Variants in ADGRF5 observed in about 807,000 individuals in gnomAD.
ADGRF5 encodes adhesion G protein-coupled receptor F5, also known as G-protein coupled receptor 116.
A neutral mutation model predicts 132.3 loss-of-function variants in ADGRF5; 75 were observed. That is an observed-to-expected ratio of 0.57 (90% CI 0.47 to 0.69). ADGRF5 has a LOEUF of 0.69. Ranked by LOEUF, ADGRF5 falls within the 30% of genes least tolerant of loss-of-function variation. The pLI is 0.00. For missense variants in ADGRF5, 1,516 were observed against 1,630.6 expected (o/e 0.93, Z 1.21); for synonymous variants, 629 against 597.6 (o/e 1.05, Z -0.77).
At chr6:46,885,087 A>T (rs763974691) in intron 4 of ADGRF5, among the ~76,000 whole-genome samples, 15 of 151,770 alleles carry the variant, frequency 9.9e-5, no homozygotes, top group Non-Finnish European at 1.5e-4. Flanking sequence ...CCAGCTACTC[A>T]GGAGGCTGAG....
In ADGRF5 at chr6:46,858,264, G is replaced by A. The variant is rs1581719823; in HGVS notation, c.3639C>T (p.Ser1213=). 6.2e-7 allele frequency: 1 copy of A among 1,614,066 alleles called. No homozygotes were observed. The highest frequency in any genetic ancestry group is 1.1e-5 in the South Asian group (1 of 91,060). ...GDKPCKQEKS[S]LFQISKSIGV... is the part of the protein sequence containing the mutation. The stretch of plus-strand genomic sequence containing the variant: ...CAATGCTCTTGCTGATCTGAAACAG[G>A]CTGCTCTTCTCCTGCTTGCATGGCT... Residue 1213 remains serine, a synonymous_variant, in exon 17 of 21, where the codon AGC becomes AGT. Transcript: ENST00000283296.
At chr6:46,876,306 A>T (rs1035736204) in intron 10 of ADGRF5, among the ~76,000 whole-genome samples, 1 of 152,182 alleles carries the variant, frequency 6.6e-6, no homozygotes, top group Non-Finnish European at 1.5e-5. Context: ...TGCGCCACAG[A>T]CTTCCTGATT....
Position 46,954,317 on chromosome 6 carries a change from C to T in ADGRF5, c.-25+417G>A, listed in dbSNP as rs909876437. Among the ~76,000 whole-genome samples the T allele has an allele frequency of 8.6e-5, 13 of 151,874 alleles. 1 individual carries two copies. Among genetic ancestry groups the T allele is most frequent in the African/African-American group, 2.9e-4 (12 of 41,326 alleles). On this transcript the variant is annotated intron_variant, in intron 1 of 20. Transcript: ENST00000265417. ...GTTCCTATTTCTGTTAGCAAATTCTCTGTCAAATCTACTATTTAACTGAAA... is the reference window on the plus strand; with the variant it reads ...GTTCCTATTTCTGTTAGCAAATTCTTTGTCAAATCTACTATTTAACTGAAA...
At chr6:46,888,918 C>T (rs188005530) in intron 3 of ADGRF5, among the ~76,000 whole-genome samples, 47 of 152,228 alleles carry the variant, frequency 3.1e-4, no homozygotes, top group Admixed American at 2.7e-3. Context: ...CCAGTTAATT[C>T]TCTTTGCCCT....
rs563262680 is a variant in ADGRF5, at chr6:46,912,391, T to C, written c.-24-5605A>G. 3.9e-5 allele frequency among the ~76,000 whole-genome samples: 6 copies of C among 152,074 alleles called. No individual in the cohort carries two copies. The South Asian group carries it at 1.0e-3, about 26-fold the overall frequency. On this transcript the variant is annotated intron_variant, in intron 1 of 20. Transcript: ENST00000283296. ...GGTTCTAGGTGGAAAAAAAAGATCA[T>C]GTGAAAAGGCCCTGAGGTGAAGAAA...
At position 46,941,431 on chromosome 6, in the gene ADGRF5, GAAA is replaced by G. The variant is rs796564208; in HGVS notation, c.-25+13300_-25+13302del. The stretch of plus-strand genomic sequence containing the variant: ...GAAAAGAAAAGAAAAGAAAAGAAAA[GAAA>G]AGAAAAGAAAAGAAAAGAAAAGAAA... On this transcript the variant is annotated intron_variant, in intron 1 of 20. Coordinates refer to the ADGRF5 transcript ENST00000265417. Among the ~76,000 whole-genome samples, 40 of 54,116 alleles carry G rather than the reference GAAA, an allele frequency of 7.4e-4. 1 individual carries two copies. Among genetic ancestry groups the G allele is most frequent in the Non-Finnish European group, 1.1e-3 (29 of 26,268 alleles). 35.5% of individuals were successfully genotyped at this position (54,116 alleles called of 152,430 possible).
At chr6:46,905,187 G>T (rs1215215380) in intron 2 of ADGRF5, 4 of 152,222 alleles carry the variant, frequency 2.6e-5, no homozygotes, top group Non-Finnish European at 5.9e-5. Context: ...ACCTGCCTTG[G>T]ATAGCCAGAG....
Position 46,852,588 on chromosome 6 carries a change from A to G in ADGRF5, c.*1404T>C, listed in dbSNP as rs924396595. ...TCAATAGTACATGGTTAACTCTAAT[A>G]TGCGTGCAATTTTCATAAATATTTA... On this transcript the variant is annotated 3_prime_UTR_variant, in exon 21 of 21. Coordinates refer to ENST00000283296, the MANE Select transcript of ADGRF5 (RefSeq NM_001098518.2). 6.6e-5 allele frequency: 10 copies of G among 152,154 alleles called. No individual in the cohort carries two copies. Among genetic ancestry groups the G allele is most frequent in the African/African-American group, 2.2e-4 (9 of 41,410 alleles). 9.4% of individuals were successfully genotyped at this position (152,154 alleles called of 1,614,324 possible).
chr6:46,855,367 A>G (rs1484167514), intron 20 of ADGRF5, among the ~76,000 whole-genome samples: 1 of 152,212 alleles, frequency 6.6e-6, no homozygotes, highest in Non-Finnish European at 1.5e-5. Flanking sequence ...TAATTCTTAC[A>G]ACTCTATGAA....
At chr6:46,884,071 A>G (rs763683884) in intron 5 of ADGRF5, 24 bp downstream of exon 5, 3 of 1,598,436 alleles carry the variant, frequency 1.9e-6, no homozygotes, top group Non-Finnish European at 2.6e-6. Flanking sequence ...CCACTCAACG[A>G]GCATTTAATG....
chr6:46,953,649 G>GTATATATATATATATATATATA (rs1408461844), intron 1 of ADGRF5, among the ~76,000 whole-genome samples: 3 of 91,506 alleles, frequency 3.3e-5, no homozygotes, highest in African/African-American at 1.4e-4. Flanking sequence ...ATAGATATAT[G>GTATATATATATATATATATATA]TGTATATATA....
chr6:46,879,135 T>A (rs1334030725), intron 9 of ADGRF5, among the ~76,000 whole-genome samples: 7 of 151,976 alleles, frequency 4.6e-5, no homozygotes, highest in African/African-American at 1.4e-4. Context: ...CAAAGCTATT[T>A]TAAATTTTTT....
At chr6:46,930,651 A>G (rs993789315) in intron 1 of ADGRF5, among the ~76,000 whole-genome samples, 1 of 152,178 alleles carries the variant, frequency 6.6e-6, no homozygotes, top group Non-Finnish European at 1.5e-5. Flanking sequence ...CAATCCTATT[A>G]TTTATGTTAG....
intron 3 of ADGRF5, among the ~76,000 whole-genome samples, chr6:46,897,332 A>AT (rs1774289880): frequency 2.0e-5 from 3 of 152,224 alleles, no homozygotes; most frequent in African/African-American, 7.2e-5. Flanking sequence ...CAAAAAAAAA[A>AT]GAAAAAAACT....
At chr6:46,897,395 C>T (rs1158040094) in intron 3 of ADGRF5, among the ~76,000 whole-genome samples, 2 of 152,010 alleles carry the variant, frequency 1.3e-5, no homozygotes, top group African/African-American at 4.8e-5. Context: ...GGCATCCAGG[C>T]TTCAGAAAGG....
chr6:46,937,251 TGA>T (rs1554129540), intron 1 of ADGRF5, among the ~76,000 whole-genome samples: 5 of 146,284 alleles, frequency 3.4e-5, no homozygotes, highest in South Asian at 2.2e-4. Context: ...TGTGTGTGTG[TGA>T]GTGTGTGTGT....
At chr6:46,871,090 C>A (rs1231232952) in intron 11 of ADGRF5, among the ~76,000 whole-genome samples, 2 of 151,866 alleles carry the variant, frequency 1.3e-5, no homozygotes, top group African/African-American at 2.4e-5. Flanking sequence ...AAAACATGAA[C>A]GACAGTTAAC....
intron 3 of ADGRF5, among the ~76,000 whole-genome samples, chr6:46,895,641 G>GC (rs995660175): frequency 6.7e-5 from 10 of 149,834 alleles, no homozygotes; most frequent in African/African-American, 2.5e-4. Flanking sequence ...CATCCTGAAT[G>GC]CCCCTCTCTT....
rs1355381497 is a variant in ADGRF5, at chr6:46,879,405, TGTTCTCATGATAGGGAGTGA to T, written c.1036+393_1036+412del. 7.9e-5 allele frequency among the ~76,000 whole-genome samples: 12 copies of T among 152,228 alleles called. No homozygotes were observed. In the East Asian group the frequency reaches 2.1e-3, roughly 27 times the overall value. The stretch of plus-strand genomic sequence containing the variant: ...CTCATGGGGGCAGTTTCCCCCATGC[TGTTCTCATGATAGGGAGTGA>T]GTTCTCATGAGATCTGATGGTTTAA... On this transcript the variant is annotated intron_variant, in intron 9 of 20. Transcript: ENST00000283296.
Sources: gnomAD v4.1 joint callset for allele counts (sites outside exome capture counted in the v4.1 genomes callset) on GRCh38, gnomAD v4.1.1 for gene constraint, MANE v1.5 for transcripts, NCBI Gene and HGNC (gene_info 2026-07-23, HGNC 2026-07-21) for gene names.